STXBP5L: variants seen among roughly 807,000 people sequenced by gnomAD.
STXBP5L encodes syntaxin binding protein 5L, also known as syntaxin-binding protein 5-like.
In STXBP5L, 65 loss-of-function variants were observed where a neutral mutation model predicts 144.5. The ratio of observed to expected loss-of-function variants is 0.45; its 90% CI spans 0.37 to 0.55. STXBP5L has a LOEUF of 0.55. Ranked by LOEUF, STXBP5L falls within the 20% of genes least tolerant of loss-of-function variation. The pLI, the probability that STXBP5L is intolerant of heterozygous loss-of-function variation, is 0.00. For synonymous variants in STXBP5L, 505 were observed against 469.6 expected, an observed-to-expected ratio of 1.08 and a Z score of -0.97; for missense variants, 1,298 against 1,405.5, an observed-to-expected ratio of 0.92 and a Z score of 1.22.
intron 20 of STXBP5L, among the ~76,000 whole-genome samples, chr3:121,349,733 A>T (rs1296134218): frequency 6.6e-6 from 1 of 151,900 alleles, no homozygotes; most frequent in Non-Finnish European, 1.5e-5. Context: ...GTCTCTTTAG[A>T]TCTTTCTTGG....
Position 121,150,343 on chromosome 3 carries a change from T to C in STXBP5L, c.670-2134T>C, listed in dbSNP as rs76218551. Among the ~76,000 whole-genome samples the C allele has an allele frequency of 3.0e-3, 463 of 152,194 alleles. 3 individuals carry two copies. The highest frequency in any genetic ancestry group is 0.01 in the African/African-American group (432 of 41,546). ...TGTGGTTTGGGCATTGTTCCTGTTT[T>C]GGTGTGGTCAAATATTGCAGAGTGC... On this transcript the variant is annotated intron_variant, in intron 7 of 26. Coordinates refer to ENST00000471454, the MANE Select transcript of STXBP5L (RefSeq NM_001308330.2).
intron 20 of STXBP5L, among the ~76,000 whole-genome samples, chr3:121,356,481 A>C (rs1049989413): frequency 3.9e-5 from 6 of 152,242 alleles, no homozygotes; most frequent in South Asian, 2.1e-4. Context: ...CTCTGTGGGC[A>C]TGGGACCTGC....
chr3:121,168,308 A>T (rs543238652), intron 9 of STXBP5L, among the ~76,000 whole-genome samples: 3 of 152,310 alleles, frequency 2.0e-5, no homozygotes, highest in Non-Finnish European at 4.4e-5. Flanking sequence ...ACACCTCGCT[A>T]GCAAGGGAAC....
chr3:121,298,723 C>G (rs1173724168), intron 19 of STXBP5L, among the ~76,000 whole-genome samples: 1 of 151,972 alleles, frequency 6.6e-6, no homozygotes. Flanking sequence ...CTCACAGAAG[C>G]AGAAAGTAGA....
chr3:121,105,544 A>G (rs1559751986), intron 5 of STXBP5L, among the ~76,000 whole-genome samples: 1 of 152,212 alleles, frequency 6.6e-6, no homozygotes, highest in East Asian at 1.9e-4. Context: ...ACAATTAAAA[A>G]ATAAAAAGAA....
At chr3:120,965,517 A>G (rs888740580) in intron 3 of STXBP5L, among the ~76,000 whole-genome samples, 1 of 152,102 alleles carries the variant, frequency 6.6e-6, no homozygotes, top group East Asian at 1.9e-4. Context: ...AAGAATTTTA[A>G]TTCTCCTTCA....
intron 9 of STXBP5L, among the ~76,000 whole-genome samples, chr3:121,195,857 G>A (rs1423460296): frequency 6.6e-6 from 1 of 152,150 alleles, no homozygotes; most frequent in Non-Finnish European, 1.5e-5. Context: ...TAGGATCCAA[G>A]CCCTGGCCCT....
At chr3:121,406,026 G>A (rs1037903567) in intron 22 of STXBP5L, among the ~76,000 whole-genome samples, 2 of 151,994 alleles carry the variant, frequency 1.3e-5, no homozygotes, top group African/African-American at 2.4e-5. Flanking sequence ...AGGAAAATGT[G>A]GTTTTACTGA....
At chr3:121,058,298 C>A (rs1346864058) in intron 5 of STXBP5L, among the ~76,000 whole-genome samples, 1 of 152,194 alleles carries the variant, frequency 6.6e-6, no homozygotes, top group Non-Finnish European at 1.5e-5. Flanking sequence ...CTGCAAAAGA[C>A]ATGAACTAAT....
chr3:120,995,124 G>A (rs1228081004), intron 3 of STXBP5L, among the ~76,000 whole-genome samples: 1 of 151,970 alleles, frequency 6.6e-6, no homozygotes, highest in Non-Finnish European at 1.5e-5. Context: ...TTAAAAAAGT[G>A]TTTTCTGCTT....
At chr3:121,099,101 T>G (rs1463115000) in intron 5 of STXBP5L, 1 of 152,178 alleles carries the variant, frequency 6.6e-6, no homozygotes, top group Non-Finnish European at 1.5e-5. Flanking sequence ...ACCATCAGCC[T>G]CACAGCATGG....
intron 7 of STXBP5L, among the ~76,000 whole-genome samples, chr3:121,131,693 C>A (rs1466016878): frequency 2.6e-5 from 4 of 152,036 alleles, no homozygotes; most frequent in Non-Finnish European, 4.4e-5. Flanking sequence ...GATAACTAAA[C>A]CTAATAAAAG....
intron 3 of STXBP5L, among the ~76,000 whole-genome samples, chr3:120,997,861 G>A (rs895556925): frequency 1.3e-5 from 2 of 152,092 alleles, no homozygotes; most frequent in African/African-American, 2.4e-5. Context: ...GAATTCAGCG[G>A]CACATCAAAA....
intron 3 of STXBP5L, among the ~76,000 whole-genome samples, chr3:121,013,273 A>G (rs1385167388): frequency 6.6e-6 from 1 of 152,040 alleles, no homozygotes; most frequent in South Asian, 2.1e-4. Context: ...TCTCCAAACT[A>G]CTTTCCACAG....
chr3:121,098,895 A>T (rs1327072356), intron 5 of STXBP5L, among the ~76,000 whole-genome samples: 2 of 152,084 alleles, frequency 1.3e-5, no homozygotes, highest in African/African-American at 2.4e-5. Context: ...AAAGAAAATA[A>T]TTTTCTCCAT....
intron 5 of STXBP5L, among the ~76,000 whole-genome samples, chr3:121,087,282 G>A (rs12488442): frequency 0.38 from 56,943 of 151,822 alleles, 10,874 homozygotes; most frequent in Non-Finnish European, 0.4. Context: ...GAGAGGTATT[G>A]AAGTCTCCTA....
At chr3:121,304,594 A>G (rs184822469) in intron 19 of STXBP5L, among the ~76,000 whole-genome samples, 1 of 152,230 alleles carries the variant, frequency 6.6e-6, no homozygotes, top group African/African-American at 2.4e-5. Context: ...AAATTAAGCA[A>G]CTCATCTCTA....
intron 20 of STXBP5L, among the ~76,000 whole-genome samples, chr3:121,360,039 T>TATAATATATATATTATTACTATATAAC: frequency 6.9e-6 from 1 of 145,332 alleles, no homozygotes; most frequent in South Asian, 2.1e-4. Context: ...TACTATATAA[T>TATAATATATATATTATTACTATATAAC]ATAATATATA....
intron 10 of STXBP5L, among the ~76,000 whole-genome samples, chr3:121,210,619 T>G (rs1272403908): frequency 6.6e-6 from 1 of 152,098 alleles, no homozygotes; most frequent in Non-Finnish European, 1.5e-5. Context: ...AAGGTGTGAG[T>G]AAGGGATCCA....
Sources: allele counts gnomAD v4.1 joint callset (sites outside exome capture counted in the v4.1 genomes callset), GRCh38; gene constraint gnomAD v4.1.1; transcripts MANE v1.5; gene names NCBI Gene and HGNC (gene_info 2026-07-23, HGNC 2026-07-21).